Variants in ASXL1 observed in about 807,000 individuals in gnomAD.
ASXL1 encodes polycomb group protein ASXL1.
In ASXL1, 65 loss-of-function variants were observed where a neutral mutation model predicts 89.1. That is an observed-to-expected ratio of 0.73 (90% CI 0.60 to 0.90). The LOEUF is 0.90. Among genes scored for constraint, ASXL1 ranks in the 40% least tolerant of loss-of-function variants. ASXL1 has a pLI of 0.00. For missense variants in ASXL1, 1,786 were observed against 1,942.9 expected, an observed-to-expected ratio of 0.92 and a Z score of 1.52; for synonymous variants, 739 against 746.9, an observed-to-expected ratio of 0.99 and a Z score of 0.17.
chr20:32,382,269 C>A (rs1290847772), intron 4 of ASXL1, among the ~76,000 whole-genome samples: 1 of 152,006 alleles, frequency 6.6e-6, no homozygotes, highest in Non-Finnish European at 1.5e-5. Flanking sequence ...GCCAGCGCAC[C>A]CGGCCTCTTG....
At chr20:32,366,961 TC>T (rs1287450825) in intron 2 of ASXL1, among the ~76,000 whole-genome samples, 1 of 152,150 alleles carries the variant, frequency 6.6e-6, no homozygotes, top group East Asian at 1.9e-4. Context: ...ACCTTTATTT[TC>T]CAAATTTATG....
At chr20:32,421,598 C>A (rs554265812) in intron 4 of ASXL1, among the ~76,000 whole-genome samples, 42 of 152,038 alleles carry the variant, frequency 2.8e-4, no homozygotes, top group Non-Finnish European at 5.6e-4. Flanking sequence ...ATAGCTAGAA[C>A]CTGGAAATAA....
At chr20:32,387,565 T>C (rs1261951877) in intron 4 of ASXL1, among the ~76,000 whole-genome samples, 1 of 152,208 alleles carries the variant, frequency 6.6e-6, no homozygotes, top group Non-Finnish European at 1.5e-5. Context: ...ATGCACACTT[T>C]AAATAATCCC....
In ASXL1 at chr20:32,433,528, TC is replaced by T; in HGVS notation, c.1331del (p.Ser444Ter). 1 of 1,614,206 alleles carries T rather than the reference TC, an allele frequency of 6.2e-7. No individual in the cohort carries two copies. The highest frequency in any genetic ancestry group is 8.5e-7 in the Non-Finnish European group (1 of 1,180,036). On this transcript the variant is annotated frameshift_variant, in exon 12 of 13. Transcript: ENST00000375687. LOFTEE classifies it high-confidence loss of function. ...GVAKDAKSVA[S>X]DVPLYKDGEA... is the part of the protein sequence containing the mutation. Reference sequence around the variant, plus strand: ...TGCTAAGGATGCAAAATCTGTGGCCTCAGATGTTCCCCTCTACAAGGATGGG... The same window carrying T: ...TGCTAAGGATGCAAAATCTGTGGCCTAGATGTTCCCCTCTACAAGGATGGG...
intron 3 of ASXL1, among the ~76,000 whole-genome samples, chr20:32,368,094 T>A (rs2048236330): frequency 6.6e-6 from 1 of 152,218 alleles, no homozygotes; most frequent in South Asian, 2.1e-4. Flanking sequence ...TTAGGGCTTC[T>A]AGTTCTGAAA....
At chr20:32,394,329 G>C (rs1012864565) in intron 4 of ASXL1, among the ~76,000 whole-genome samples, 96 of 152,182 alleles carry the variant, frequency 6.3e-4, no homozygotes, top group African/African-American at 2.3e-3. Context: ...GTAGAGATGG[G>C]CTTTTGCCAT....
At chr20:32,420,040 CT>C (rs35002363) in intron 4 of ASXL1, among the ~76,000 whole-genome samples, 46,555 of 144,500 alleles carry the variant, frequency 0.32, 9,021 homozygotes, top group Middle Eastern at 0.53. Flanking sequence ...TTGATTTTTC[CT>C]TTTTTTTTTT....
Position 32,382,446 on chromosome 20 carries a change from C to T in ASXL1, c.252+13323C>T, listed in dbSNP as rs1048598372. 4.0e-5 allele frequency among the ~76,000 whole-genome samples: 6 copies of T among 151,808 alleles called. No homozygotes were observed. The East Asian group carries it at 5.8e-4, about 15-fold the overall frequency. ...CTAGGTGGTTTTTAGATATATTATT[C>T]CTGTTAGAGTTTTGAACTTTGATCA... On this transcript the variant is annotated intron_variant, in intron 4 of 12. Transcript: ENST00000375687.
At chr20:32,434,399 A>C (rs1301709421) in intron 12 of ASXL1, 33 bp from the exon 13 acceptor site, 2 of 1,612,574 alleles carry the variant, frequency 1.2e-6, no homozygotes, top group Non-Finnish European at 1.7e-6. Flanking sequence ...TCACCCAGTC[A>C]GTTAAAACTA....
chr20:32,426,233 G>A (rs2011280109), intron 4 of ASXL1, among the ~76,000 whole-genome samples: 1 of 152,070 alleles, frequency 6.6e-6, no homozygotes, highest in Non-Finnish European at 1.5e-5. Context: ...TTGGCTAATA[G>A]TTTTCCGTTG....
intron 4 of ASXL1, among the ~76,000 whole-genome samples, chr20:32,414,003 T>TA (rs1323526070): frequency 1.3e-5 from 2 of 152,254 alleles, no homozygotes; most frequent in Non-Finnish European, 2.9e-5. Flanking sequence ...CAGAAGATGT[T>TA]ACTCTTACTA....
chr20:32,368,988 C>G, intron 3 of ASXL1, 27 bp from the exon 4 acceptor site: 2 of 1,559,394 alleles, frequency 1.3e-6, no homozygotes, highest in East Asian at 4.5e-5. Flanking sequence ...TTGTATAACC[C>G]TCATCCATTC....
intron 4 of ASXL1, among the ~76,000 whole-genome samples, chr20:32,387,444 A>G (rs994685418): frequency 6.6e-6 from 1 of 152,158 alleles, no homozygotes; most frequent in South Asian, 2.1e-4. Context: ...CTTAAATACT[A>G]CTGGCGAATT....
chr20:32,376,537 A>G (rs1480738246), intron 4 of ASXL1, among the ~76,000 whole-genome samples: 1 of 151,588 alleles, frequency 6.6e-6, no homozygotes, highest in South Asian at 2.1e-4. Context: ...CAGCCCCCCA[A>G]AGTGTTGGGA....
intron 4 of ASXL1, among the ~76,000 whole-genome samples, chr20:32,382,991 TTATACCATACATCTA>T (rs978831782): frequency 2.0e-5 from 3 of 152,174 alleles, no homozygotes; most frequent in Non-Finnish European, 4.4e-5. Context: ...ATGAAAGGAT[TTATACCATACATCTA>T]TATGATAATT....
chr20:32,381,978 A>G (rs2048495306), intron 4 of ASXL1, among the ~76,000 whole-genome samples: 1 of 121,610 alleles, frequency 8.2e-6, no homozygotes. Flanking sequence ...TTTTTGAGAC[A>G]GAATTTTGGT....
At chr20:32,411,536 CT>C (rs749530241) in intron 4 of ASXL1, among the ~76,000 whole-genome samples, 39,923 of 123,440 alleles carry the variant, frequency 0.32, 6,987 homozygotes, top group Middle Eastern at 0.53. Flanking sequence ...CCATGGATTC[CT>C]TTTTTTTTTT....
chr20:32,367,905 C>A (rs1276695340), intron 3 of ASXL1, among the ~76,000 whole-genome samples, 176 bp downstream of exon 3: 2 of 152,162 alleles, frequency 1.3e-5, no homozygotes, highest in Non-Finnish European at 2.9e-5. Flanking sequence ...GCATGCTGTT[C>A]CCCTTGTAGC....
Position 32,436,880 on chromosome 20 carries a change from C to T in ASXL1, c.4168C>T (p.His1390Tyr), listed in dbSNP as rs761239386. Residue 1390 changes from histidine (H) to tyrosine (Y), a missense_variant, in exon 13 of 13, where the codon CAT becomes TAT. This residue lies in a region of ASXL1 where 1,418 missense variants were observed against 1,427.8 expected (regional missense o/e 0.99). Coordinates refer to ENST00000375687, the MANE Select transcript of ASXL1 (RefSeq NM_015338.6). ...TGCCGAGAACAGGAAAGCTACTGGG[C>T]ATAGTCCCCTGGAACTGGTGGGTCA... The part of the protein sequence containing the change: ...ANAENRKATG[H>Y]SPLELVGHLE... The T allele has an allele frequency of 2.6e-5, 42 of 1,614,120 alleles. No homozygotes were observed. Among genetic ancestry groups the T allele is most frequent in the Non-Finnish European group, 3.3e-5 (39 of 1,180,056 alleles).
Sources: allele counts gnomAD v4.1 joint callset (sites outside exome capture counted in the v4.1 genomes callset), GRCh38; gene constraint gnomAD v4.1.1; regional missense constraint gnomAD v4.1.1; transcripts MANE v1.5; gene names NCBI Gene and HGNC (gene_info 2026-07-23, HGNC 2026-07-21).